Variants in DKK3 observed in about 807,000 individuals in gnomAD.
DKK3 encodes dickkopf-related protein 3.
DKK3 carries 22 observed loss-of-function variants against 33.2 expected under a neutral mutation model. That is an observed-to-expected ratio of 0.66 (90% CI 0.47 to 0.95). The LOEUF is 0.95. Among genes scored for constraint, DKK3 ranks in the 40% least tolerant of loss-of-function variants. The pLI is 0.00. For synonymous variants in DKK3, 194 were observed against 188.8 expected, an observed-to-expected ratio of 1.03 and a Z score of -0.23; for missense variants, 398 against 458.4, an observed-to-expected ratio of 0.87 and a Z score of 1.20.
chr11:11,973,270 T>C (rs1847762725), intron 3 of DKK3, among the ~76,000 whole-genome samples: 1 of 152,226 alleles, frequency 6.6e-6, no homozygotes, highest in Non-Finnish European at 1.5e-5. Flanking sequence ...TCACCCAGCT[T>C]GACTGGACTG....
In DKK3 at chr11:12,008,345, C is replaced by A; in HGVS notation, c.213+25G>T. 6.3e-7 allele frequency: 1 copy of A among 1,592,548 alleles called. No homozygotes were observed. Among genetic ancestry groups the A allele is most frequent in the Non-Finnish European group, 8.5e-7 (1 of 1,174,488 alleles). Reference sequence around the variant, plus strand: ...GCCCCCAGTCTGGCGCTTCTCAGAGCCCCGCGCCGCCAGGGCGCACCCACC... The same window carrying A: ...GCCCCCAGTCTGGCGCTTCTCAGAGACCCGCGCCGCCAGGGCGCACCCACC... On this transcript the variant is annotated intron_variant, in intron 1 of 6. Coordinates refer to ENST00000683431, the MANE Select transcript of DKK3 (RefSeq NM_001018057.2). This position sits in a 1 kb window ranked among gnomAD's most constrained non-coding sequence, Gnocchi z 4.6.
chr11:11,967,566 C>A (rs771974202), intron 4 of DKK3, among the ~76,000 whole-genome samples: 2 of 152,228 alleles, frequency 1.3e-5, no homozygotes, highest in Non-Finnish European at 2.9e-5. Flanking sequence ...GAGGTCCCCA[C>A]GGCTGTGCCC....
intron 1 of DKK3, among the ~76,000 whole-genome samples, chr11:12,003,574 ACCTGTTCACAGCTGATG>A (rs1848474944): frequency 6.6e-6 from 1 of 151,988 alleles, no homozygotes; most frequent in Non-Finnish European, 1.5e-5. Flanking sequence ...TGACAATGTG[ACCTGTTCACAGCTGATG>A]GGACCCAAAG....
chr11:11,973,305 C>T (rs1847763588), intron 3 of DKK3, among the ~76,000 whole-genome samples: 1 of 152,204 alleles, frequency 6.6e-6, no homozygotes, highest in African/African-American at 2.4e-5. Flanking sequence ...TTTTCATTTC[C>T]TGCTGGGGAG....
chr11:11,984,213 A>AG (rs1848016677), intron 3 of DKK3, among the ~76,000 whole-genome samples: 1 of 152,256 alleles, frequency 6.6e-6, no homozygotes, highest in Non-Finnish European at 1.5e-5. Flanking sequence ...GTAAACATAC[A>AG]GGATTACAAA....
At chr11:11,967,451 A>C (rs944399795) in intron 4 of DKK3, among the ~76,000 whole-genome samples, 2 of 152,224 alleles carry the variant, frequency 1.3e-5, no homozygotes, top group Non-Finnish European at 2.9e-5. Flanking sequence ...GCAAGGCCCA[A>C]TGATGAGCCG....
chr11:11,989,807 A>T (rs567838198), intron 3 of DKK3, among the ~76,000 whole-genome samples: 4 of 152,158 alleles, frequency 2.6e-5, no homozygotes, highest in Non-Finnish European at 5.9e-5. Context: ...TAAGTGCTTC[A>T]TTTTATTTCT....
Position 11,964,615 on chromosome 11 carries a change from G to A in DKK3, c.902C>T (p.Pro301Leu). 6.2e-7 allele frequency: 1 copy of A among 1,614,136 alleles called. No individual in the cohort carries two copies. The highest frequency in any genetic ancestry group is 8.5e-7 in the Non-Finnish European group (1 of 1,180,028). ...SRDQDGEILL[P>L]REVPDEYEVG... is the part of the protein sequence containing the mutation. ...TTCATACTCATCGGGGACCTCTCTG[G>A]GCAGCAGGATCTCCCCATCTTGGTC... The change falls in exon 7 of 7, where the codon CCC becomes CTC. Residue 301 changes from proline (P) to leucine (L), a missense_variant. Physicochemically the swap from Pro to Leu is moderately conservative, Grantham distance 98. Transcript: ENST00000683431.
intron 3 of DKK3, among the ~76,000 whole-genome samples, chr11:11,993,828 G>C (rs932409820): frequency 1.3e-5 from 2 of 152,146 alleles, no homozygotes; most frequent in African/African-American, 4.8e-5. Flanking sequence ...CAATAAGTCT[G>C]TTTCTTTCTG....
chr11:11,987,216 C>A (rs1848089041), intron 3 of DKK3, among the ~76,000 whole-genome samples: 1 of 152,170 alleles, frequency 6.6e-6, no homozygotes. Flanking sequence ...ACACCCTTTC[C>A]CAGCTGGTCT....
chr11:11,998,893 G>C, intron 2 of DKK3, 114 bp from the exon 3 acceptor site: 1 of 897,976 alleles, frequency 1.1e-6, no homozygotes, highest in African/African-American at 1.7e-5. Context: ...CAGTATAGGA[G>C]TCGAAATGCC....
intron 1 of DKK3, among the ~76,000 whole-genome samples, chr11:12,006,291 G>A (rs888048885): frequency 6.6e-6 from 1 of 152,154 alleles, no homozygotes; most frequent in Non-Finnish European, 1.5e-5. Context: ...TTGGGCTCTT[G>A]ACCTGACCAG....
chr11:11,976,597 C>T (rs1169366892), intron 3 of DKK3, among the ~76,000 whole-genome samples: 4 of 152,262 alleles, frequency 2.6e-5, no homozygotes, highest in East Asian at 1.9e-4. Flanking sequence ...TGGGCTGGGT[C>T]GGGGCCCCAG....
intron 3 of DKK3, among the ~76,000 whole-genome samples, chr11:11,969,477 C>T (rs1000358880): frequency 1.3e-5 from 2 of 152,164 alleles, no homozygotes; most frequent in African/African-American, 4.8e-5. Flanking sequence ...GAGGTCCCTC[C>T]AAGATAATGT....
At chr11:11,971,187 C>T (rs942038227) in intron 3 of DKK3, among the ~76,000 whole-genome samples, 2 of 152,014 alleles carry the variant, frequency 1.3e-5, no homozygotes, top group Non-Finnish European at 2.9e-5. Context: ...AAGGCTATAT[C>T]GTTATATTAT....
At chr11:11,985,344 C>G (rs1056635087) in intron 3 of DKK3, among the ~76,000 whole-genome samples, 3 of 152,248 alleles carry the variant, frequency 2.0e-5, no homozygotes, top group African/African-American at 7.2e-5. Context: ...GTGAGCTCCC[C>G]AAGCTCTCTT....
At chr11:11,988,581 T>C (rs1848120034) in intron 3 of DKK3, among the ~76,000 whole-genome samples, 1 of 152,172 alleles carries the variant, frequency 6.6e-6, no homozygotes, top group Non-Finnish European at 1.5e-5. Context: ...CAAAACCTCC[T>C]TGGAGGCCTG....
upstream of DKK3, chr11:12,009,348 G>GCCCACCCA: frequency 1.2e-6 from 1 of 840,490 alleles, no homozygotes; most frequent in Non-Finnish European, 1.4e-6. Flanking sequence ...CGCCCCGCCC[G>GCCCACCCA]CCCACCAGGC....
At chr11:11,988,361 G>T (rs961031260) in intron 3 of DKK3, among the ~76,000 whole-genome samples, 15 of 152,190 alleles carry the variant, frequency 9.9e-5, no homozygotes, top group Non-Finnish European at 1.6e-4. Flanking sequence ...TAGATTCGGG[G>T]GCATGACTGT....
Sources: gnomAD v4.1 joint callset for allele counts (sites outside exome capture counted in the v4.1 genomes callset) on GRCh38, gnomAD v4.1.1 for gene constraint, Gnocchi (gnomAD v3.1) non-coding constraint, MANE v1.5 for transcripts, NCBI Gene and HGNC (gene_info 2026-07-23, HGNC 2026-07-21) for gene names.